The following CTNND2 variants were observed in gnomAD, a reference collection of about 807,000 sequenced individuals.
The protein encoded by CTNND2 is catenin delta 2.
In CTNND2, 22 loss-of-function variants were observed where a neutral mutation model predicts 144.4. The observed-to-expected ratio is 0.15, with a 90% CI of 0.11 to 0.22. The LOEUF (loss-of-function observed/expected upper bound fraction) is 0.22. CTNND2 is among the 10% of genes least tolerant of loss of function. The pLI is 1.00. For missense variants in CTNND2, 1,353 were observed against 1,618.8 expected (o/e 0.84, Z 2.82); for synonymous variants, 751 against 695.6 (o/e 1.08, Z -1.25).
chr5:11,026,910 C>A (rs144967918), intron 16 of CTNND2, among the ~76,000 whole-genome samples: 1 of 151,932 alleles, frequency 6.6e-6, no homozygotes. Flanking sequence ...AGATTTCACG[C>A]GGGAATAACA....
chr5:11,549,386 T>A (rs559028324), intron 3 of CTNND2, among the ~76,000 whole-genome samples: 2 of 152,304 alleles, frequency 1.3e-5, no homozygotes, highest in East Asian at 3.9e-4. Flanking sequence ...CTCTTTCCCA[T>A]CAGAGCAGAG....
intron 3 of CTNND2, among the ~76,000 whole-genome samples, chr5:11,413,683 A>C (rs1406070253): frequency 1.3e-5 from 2 of 152,200 alleles, no homozygotes; most frequent in East Asian, 3.8e-4. Context: ...CCTGCATTGC[A>C]TAACAAGCTT....
intron 9 of CTNND2, among the ~76,000 whole-genome samples, chr5:11,260,920 A>G (rs891960279): frequency 2.6e-5 from 4 of 152,182 alleles, no homozygotes; most frequent in Non-Finnish European, 5.9e-5. Flanking sequence ...AGGTTATTAA[A>G]TTAATTCTGA....
At chr5:11,010,069 A>C (rs1235343795) in intron 18 of CTNND2, among the ~76,000 whole-genome samples, 1 of 152,238 alleles carries the variant, frequency 6.6e-6, no homozygotes, top group Non-Finnish European at 1.5e-5. Context: ...AAAAGAAAGA[A>C]CTTGAGGAGC....
At chr5:11,690,767 A>G (rs1172268322) in intron 2 of CTNND2, among the ~76,000 whole-genome samples, 4 of 148,548 alleles carry the variant, frequency 2.7e-5, no homozygotes, top group Non-Finnish European at 4.4e-5. Context: ...AAAAAAAAAA[A>G]AAAAAAAGAA....
intron 3 of CTNND2, among the ~76,000 whole-genome samples, chr5:11,543,215 G>A (rs1302082099): frequency 6.6e-6 from 1 of 152,196 alleles, no homozygotes; most frequent in African/African-American, 2.4e-5. Flanking sequence ...TCTGCAAACA[G>A]TCCAGGCTCT....
Position 10,988,509 on chromosome 5 carries a change from C to T in CTNND2, c.3212-267G>A, listed in dbSNP as rs1048060024. On this transcript the variant is annotated intron_variant, in intron 19 of 21. Coordinates refer to ENST00000304623, the MANE Select transcript of CTNND2 (RefSeq NM_001332.4). This position sits in a 1 kb window ranked among gnomAD's most constrained non-coding sequence, Gnocchi z 5.9. ...GGGGACCACATCCTGGGGCCATCTT[C>T]CTCAGAGAGAGATCATGGAGGGGAC... is the stretch of plus-strand genomic sequence containing the variant. Among the ~76,000 whole-genome samples, 1 of 152,186 alleles carries T rather than the reference C, an allele frequency of 6.6e-6. No homozygotes were observed. The highest frequency in any genetic ancestry group is 2.1e-4 in the South Asian group (1 of 4,828).
At position 11,199,517 on chromosome 5, in the gene CTNND2, C is replaced by T; in HGVS notation, c.1906G>A (p.Gly636Ser). The change falls in exon 11 of 22, where the codon GGT becomes AGT. Residue 636 changes from glycine (G) to serine (S), a missense_variant. Around this residue, in one of 4 missense-constraint regions of CTNND2, gnomAD observed 117 missense variants for 117.8 expected, o/e 0.99. Coordinates refer to ENST00000304623, the MANE Select transcript of CTNND2 (RefSeq NM_001332.4). ...DDNKIALKNC[G>S]GIPALVRLLR... ...AACCTCACCAGTGCTGGGATGCCAC[C>T]ACAGTTTTTCAGGGCAATTTTGTTA... 1 of 1,614,196 alleles carries T rather than the reference C, an allele frequency of 6.2e-7. No individual in the cohort carries two copies. The highest frequency in any genetic ancestry group is 8.5e-7 in the Non-Finnish European group (1 of 1,180,044).
intron 1 of CTNND2, among the ~76,000 whole-genome samples, chr5:11,744,005 A>T (rs1318142427): frequency 6.6e-6 from 1 of 152,184 alleles, no homozygotes; most frequent in Non-Finnish European, 1.5e-5. Context: ...AGGTTCTGTG[A>T]TGACTTCTAC....
At chr5:11,332,444 C>A (rs1383697919) in intron 9 of CTNND2, among the ~76,000 whole-genome samples, 1 of 151,968 alleles carries the variant, frequency 6.6e-6, no homozygotes, top group Non-Finnish European at 1.5e-5. Context: ...GCCTGGCCAG[C>A]CTGTAGTTGT....
intron 2 of CTNND2, among the ~76,000 whole-genome samples, chr5:11,728,492 A>G (rs530871945): frequency 6.6e-6 from 1 of 152,140 alleles, no homozygotes; most frequent in South Asian, 2.1e-4. Flanking sequence ...ACAAAACAAA[A>G]CAAACCCACA....
intron 6 of CTNND2, 121 bp from the exon 7 acceptor site, chr5:11,385,350 T>C: frequency 3.3e-6 from 2 of 597,936 alleles, no homozygotes; most frequent in Non-Finnish European, 4.2e-6. Flanking sequence ...CCGGCGGCTC[T>C]GCGATCCCAG....
At chr5:11,329,930 A>G (rs973295699) in intron 9 of CTNND2, among the ~76,000 whole-genome samples, 1 of 152,166 alleles carries the variant, frequency 6.6e-6, no homozygotes, top group South Asian at 2.1e-4. Flanking sequence ...GGAAACTTAC[A>G]ACAAGCTCCT....
intron 1 of CTNND2, among the ~76,000 whole-genome samples, chr5:11,813,485 A>G (rs1045723519): frequency 5.3e-5 from 8 of 151,850 alleles, no homozygotes; most frequent in African/African-American, 9.7e-5. Flanking sequence ...TTCCCCCAAC[A>G]CTTGTTATGG....
intron 2 of CTNND2, among the ~76,000 whole-genome samples, chr5:11,724,718 G>A (rs937593081): frequency 2.6e-5 from 4 of 152,114 alleles, no homozygotes; most frequent in African/African-American, 9.7e-5. Flanking sequence ...ATGTGGAATT[G>A]TTTGTGATTT....
chr5:11,442,729 G>A (rs1382823476), intron 3 of CTNND2, among the ~76,000 whole-genome samples: 1 of 150,256 alleles, frequency 6.7e-6, no homozygotes, highest in East Asian at 1.9e-4. Flanking sequence ...GGCACAGTGG[G>A]ACAGCCAACC....
chr5:11,764,451 C>CA (rs1174806281), intron 1 of CTNND2, among the ~76,000 whole-genome samples: 4 of 150,230 alleles, frequency 2.7e-5, no homozygotes, highest in Admixed American at 1.3e-4. Flanking sequence ...GATCAAAAAG[C>CA]AAAAAAAAAG....
chr5:11,225,552 C>CT (rs1740235398), intron 10 of CTNND2, among the ~76,000 whole-genome samples: 1 of 152,160 alleles, frequency 6.6e-6, no homozygotes, highest in African/African-American at 2.4e-5. Flanking sequence ...ATTCCACAAC[C>CT]TGGTGAAGCA....
chr5:11,358,701 C>T (rs988996110), intron 8 of CTNND2, among the ~76,000 whole-genome samples: 8 of 152,152 alleles, frequency 5.3e-5, no homozygotes, highest in Admixed American at 3.9e-4. Context: ...ATCCCTCTAT[C>T]GCTTCATTAA....
Sources: allele counts gnomAD v4.1 joint callset (sites outside exome capture counted in the v4.1 genomes callset), GRCh38; gene constraint gnomAD v4.1.1; regional missense constraint gnomAD v4.1.1; non-coding constraint Gnocchi (gnomAD v3.1); transcripts MANE v1.5; gene names NCBI Gene and HGNC (gene_info 2026-07-23, HGNC 2026-07-21).